ARHGAP42: variants seen among roughly 807,000 people sequenced by gnomAD.
ARHGAP42 encodes the protein rho GTPase-activating protein 42.
ARHGAP42 carries 63 observed loss-of-function variants against 125.0 expected under a neutral mutation model. The ratio of observed to expected loss-of-function variants is 0.50; its 90% CI spans 0.41 to 0.62. The LOEUF (loss-of-function observed/expected upper bound fraction) is 0.62, where lower values mean the gene tolerates loss of function less well. Among genes scored for constraint, ARHGAP42 ranks in the 20% least tolerant of loss-of-function variants. The pLI is 0.00. For synonymous variants in ARHGAP42, 339 were observed against 351.0 expected, an observed-to-expected ratio of 0.97 and a Z score of 0.38; for missense variants, 766 against 1,024.2, an observed-to-expected ratio of 0.75 and a Z score of 3.44.
intron 4 of ARHGAP42, among the ~76,000 whole-genome samples, chr11:100,911,387 T>A (rs1304113906): frequency 6.6e-6 from 1 of 152,052 alleles, no homozygotes; most frequent in East Asian, 1.9e-4. Context: ...TAGAGACCCA[T>A]ATATATAACT....
At chr11:100,913,251 G>C (rs772508544) in intron 4 of ARHGAP42, among the ~76,000 whole-genome samples, 2 of 152,122 alleles carry the variant, frequency 1.3e-5, no homozygotes, top group Non-Finnish European at 2.9e-5. Flanking sequence ...AAGATGGAAA[G>C]CTTTTTTGAG....
intron 8 of ARHGAP42, among the ~76,000 whole-genome samples, chr11:100,937,521 T>A (rs1417303518): frequency 6.6e-6 from 1 of 152,210 alleles, no homozygotes; most frequent in Non-Finnish European, 1.5e-5. Context: ...AGCCTTCATG[T>A]GACAGTACAT....
At chr11:100,871,259 A>G (rs1379451146) in intron 4 of ARHGAP42, among the ~76,000 whole-genome samples, 1 of 152,088 alleles carries the variant, frequency 6.6e-6, no homozygotes, top group Non-Finnish European at 1.5e-5. Flanking sequence ...AAATTAACTA[A>G]AACCAGCCAG....
At chr11:100,800,070 T>A (rs1177671857) in intron 3 of ARHGAP42, among the ~76,000 whole-genome samples, 1 of 152,204 alleles carries the variant, frequency 6.6e-6, no homozygotes, top group Non-Finnish European at 1.5e-5. Context: ...CATAAGTCTG[T>A]TAAGGATAGA....
At chr11:100,886,266 C>G (rs1042876618) in intron 4 of ARHGAP42, among the ~76,000 whole-genome samples, 2 of 152,162 alleles carry the variant, frequency 1.3e-5, no homozygotes, top group African/African-American at 4.8e-5. Context: ...TAAAAACAAG[C>G]ATTTCATCGA....
chr11:100,959,175 T>C (rs1259365812), intron 12 of ARHGAP42, among the ~76,000 whole-genome samples: 1 of 152,048 alleles, frequency 6.6e-6, no homozygotes, highest in Non-Finnish European at 1.5e-5. Flanking sequence ...TGCTTTCTCT[T>C]TAAATAAGTA....
intron 4 of ARHGAP42, 137 bp from the exon 5 acceptor site, chr11:100,913,315 A>G: frequency 3.5e-6 from 1 of 284,502 alleles, no homozygotes; most frequent in Non-Finnish European, 7.0e-6. Context: ...TATTTTTACT[A>G]AATTAAGGTT....
chr11:100,687,748 T>A lies in ARHGAP42; in HGVS notation c.70T>A (p.Cys24Ser), dbSNP rs902581972. 5 of 1,550,630 alleles carry A rather than the reference T, an allele frequency of 3.2e-6. No homozygotes were observed. The highest frequency in any genetic ancestry group is 4.9e-5 in the East Asian group (2 of 40,906). ...CCCAGATTTCAGGGAGCGCTTGCAG[T>A]GTCACGAGATTGAGCTGGAGCGAAC... is the stretch of plus-strand genomic sequence containing the variant. ...DSPDFRERLQ[C>S]HEIELERTNK... Residue 24 changes from cysteine to serine, a missense_variant, in exon 1 of 24, where the codon TGT becomes AGT. Transcript: ENST00000298815.
At chr11:100,889,600 G>C (rs565406721) in intron 4 of ARHGAP42, among the ~76,000 whole-genome samples, 1 of 152,170 alleles carries the variant, frequency 6.6e-6, no homozygotes, top group Non-Finnish European at 1.5e-5. Flanking sequence ...GAGGTTAAAT[G>C]AGTTTTCCCA....
intron 2 of ARHGAP42, among the ~76,000 whole-genome samples, chr11:100,771,892 G>A (rs1353459178): frequency 6.6e-6 from 1 of 152,062 alleles, no homozygotes; most frequent in Non-Finnish European, 1.5e-5. Flanking sequence ...GAGCCACTGC[G>A]CCCGGCTGGA....
intron 4 of ARHGAP42, among the ~76,000 whole-genome samples, chr11:100,881,328 A>G (rs1022837996): frequency 2.0e-5 from 3 of 152,178 alleles, no homozygotes; most frequent in African/African-American, 7.2e-5. Context: ...CATTTCTTGA[A>G]TAGGACATCC....
chr11:100,818,692 G>T (rs150842146), intron 3 of ARHGAP42, among the ~76,000 whole-genome samples: 4 of 152,206 alleles, frequency 2.6e-5, no homozygotes, highest in African/African-American at 9.6e-5. Context: ...TGTAAACAGG[G>T]CAGTGAAAGG....
At chr11:100,723,717 CT>C (rs902913148) in intron 1 of ARHGAP42, among the ~76,000 whole-genome samples, 60 of 151,642 alleles carry the variant, frequency 4.0e-4, no homozygotes, top group East Asian at 1.4e-3. Context: ...TAAACAAAAA[CT>C]TTTTTTTTCT....
At chr11:100,695,966 C>G (rs1457562422) in intron 1 of ARHGAP42, among the ~76,000 whole-genome samples, 1 of 152,226 alleles carries the variant, frequency 6.6e-6, no homozygotes, top group African/African-American at 2.4e-5. Context: ...TGGCTTACAG[C>G]TGTAATCCCA....
chr11:100,717,910 C>T lies in ARHGAP42; in HGVS notation c.154+30078C>T, dbSNP rs1437231674. Among the ~76,000 whole-genome samples the T allele has an allele frequency of 4.3e-5, 5 of 115,542 alleles. 1 individual carries two copies. The highest frequency in any genetic ancestry group is 3.3e-4 in the Admixed American group (3 of 9,044). The allele number at this position is 115,542 out of a possible 152,430, so 75.8% of individuals were successfully genotyped here. On this transcript the variant is annotated intron_variant, in intron 1 of 23. Transcript: ENST00000298815. ...GTTGCCTCCAGCCTGGGCAACAGAG[C>T]GAGACTCTGCCTTAAAAAAAAAAAA... is the stretch of plus-strand genomic sequence containing the variant.
chr11:100,794,703 T>G (rs1308888205), intron 2 of ARHGAP42, among the ~76,000 whole-genome samples: 1 of 152,242 alleles, frequency 6.6e-6, no homozygotes, highest in African/African-American at 2.4e-5. Flanking sequence ...ATAGTAGATT[T>G]GTTGCTCCTT....
At chr11:100,779,457 A>T (rs1005548805) in intron 2 of ARHGAP42, among the ~76,000 whole-genome samples, 18,074 of 69,692 alleles carry the variant, frequency 0.26, 2,471 homozygotes, top group South Asian at 0.37. Context: ...AAAAAAAAAA[A>T]AAAAAAAAAA....
chr11:100,916,987 TA>T (rs1244953528), intron 5 of ARHGAP42, among the ~76,000 whole-genome samples: 1 of 150,684 alleles, frequency 6.6e-6, no homozygotes, highest in Non-Finnish European at 1.5e-5. Flanking sequence ...GAATATACAG[TA>T]TTATACAGGT....
intron 4 of ARHGAP42, among the ~76,000 whole-genome samples, chr11:100,910,774 A>G (rs1383471510): frequency 1.3e-5 from 2 of 151,772 alleles, no homozygotes; most frequent in Non-Finnish European, 2.9e-5. Context: ...CATGTGGCCT[A>G]GTCTTTTATC....
Sources: gnomAD v4.1 joint callset for allele counts (sites outside exome capture counted in the v4.1 genomes callset) on GRCh38, gnomAD v4.1.1 for gene constraint, MANE v1.5 for transcripts, NCBI Gene and HGNC (gene_info 2026-07-23, HGNC 2026-07-21) for gene names.